The following CTNNA3 variants were observed in gnomAD, a reference collection of about 807,000 sequenced individuals.
The protein encoded by CTNNA3 is catenin alpha-3.
Under a neutral mutation model 95.7 loss-of-function variants are expected in CTNNA3, and 76 were observed. That is an observed-to-expected ratio of 0.79 (90% CI 0.66 to 0.96). The LOEUF is 0.96. CTNNA3 is among the 40% of genes least tolerant of loss of function. The pLI is 0.00. For missense variants in CTNNA3, 1,191 were observed against 1,089.8 expected (o/e 1.09, Z -1.31); for synonymous variants, 431 against 374.4 (o/e 1.15, Z -1.74).
intron 13 of CTNNA3, among the ~76,000 whole-genome samples, chr10:66,178,440 T>TATATATATATATAC (rs1231414006): frequency 7.6e-5 from 8 of 105,754 alleles, no homozygotes; most frequent in Non-Finnish European, 1.5e-4. Context: ...TATATATATA[T>TATATATATATATAC]ATACACACAC....
chr10:67,169,547 T>C (rs562092383), intron 7 of CTNNA3, among the ~76,000 whole-genome samples: 18 of 152,152 alleles, frequency 1.2e-4, no homozygotes, highest in Non-Finnish European at 2.4e-4. Flanking sequence ...CCCTATTCAA[T>C]AAATGATGCT....
At chr10:66,695,076 A>G (rs749032451) in intron 9 of CTNNA3, among the ~76,000 whole-genome samples, 5 of 152,196 alleles carry the variant, frequency 3.3e-5, no homozygotes, top group East Asian at 1.9e-4. Flanking sequence ...GGAATTGACC[A>G]CTTTGTTATC....
chr10:67,305,174 G>T (rs535400567), intron 5 of CTNNA3, among the ~76,000 whole-genome samples: 2 of 152,186 alleles, frequency 1.3e-5, no homozygotes, highest in East Asian at 1.9e-4. Flanking sequence ...TACGTGGGAG[G>T]CTGAGGCAGG....
At chr10:67,129,532 C>T (rs147033650) in intron 7 of CTNNA3, among the ~76,000 whole-genome samples, 25 of 152,164 alleles carry the variant, frequency 1.6e-4, no homozygotes, top group African/African-American at 5.3e-4. Context: ...GATTTCCCCA[C>T]GTCTACATAA....
At chr10:66,997,526 T>G (rs1278802529) in intron 7 of CTNNA3, among the ~76,000 whole-genome samples, 1 of 152,200 alleles carries the variant, frequency 6.6e-6, no homozygotes, top group African/African-American at 2.4e-5. Flanking sequence ...CTGGTAAAAC[T>G]TTTAGATCCC....
intron 7 of CTNNA3, among the ~76,000 whole-genome samples, chr10:66,846,238 A>G (rs1399772565): frequency 6.6e-6 from 1 of 152,180 alleles, no homozygotes; most frequent in Non-Finnish European, 1.5e-5. Flanking sequence ...GATCTCACTT[A>G]TACGTAAAAT....
intron 5 of CTNNA3, among the ~76,000 whole-genome samples, chr10:67,236,821 T>C (rs1203519040): frequency 6.6e-6 from 1 of 151,058 alleles, no homozygotes; most frequent in Admixed American, 6.6e-5. Flanking sequence ...AAAAAATAAA[T>C]AAAAAACAGT....
chr10:67,193,933 G>A (rs1024740325), intron 6 of CTNNA3, among the ~76,000 whole-genome samples: 1 of 152,068 alleles, frequency 6.6e-6, no homozygotes, highest in Non-Finnish European at 1.5e-5. Context: ...CCCACTAGCT[G>A]TGTATAAGTG....
chr10:66,046,564 G>T (rs1341495910), intron 15 of CTNNA3, among the ~76,000 whole-genome samples: 1 of 151,900 alleles, frequency 6.6e-6, no homozygotes, highest in East Asian at 1.9e-4. Flanking sequence ...AAAAATTAGA[G>T]AAGCAAAAAC....
At position 67,558,990 on chromosome 10, in the gene CTNNA3, C is replaced by T. The variant is rs538596388; in HGVS notation, c.293-19321G>A. Among the ~76,000 whole-genome samples, 20 of 152,302 alleles carry T rather than the reference C, an allele frequency of 1.3e-4. No individual in the cohort carries two copies. The South Asian group carries it at 3.9e-3, about 30-fold the overall frequency. ...AGGTAAACAAAGCAGCCGGGAAGCT[C>T]GAACTGGGTGGAGCCCACCACAGCT... On this transcript the variant is annotated intron_variant, in intron 3 of 17. Coordinates refer to ENST00000433211, the MANE Select transcript of CTNNA3 (RefSeq NM_013266.4).
rs368256227 is a variant in CTNNA3, at chr10:66,396,903, CTTTA to C, written c.1532-17555_1532-17552del. ...AACCATTGGTAAACACAAATAATAA[CTTTA>C]TTTAATAGAATATAACAAACCAATA... is the stretch of plus-strand genomic sequence containing the variant. On this transcript the variant is annotated intron_variant, in intron 11 of 17. Transcript: ENST00000433211. 4.6e-4 allele frequency among the ~76,000 whole-genome samples: 70 copies of C among 151,758 alleles called. 1 individual carries two copies. In the South Asian group the frequency reaches 0.014, roughly 31 times the overall value.
intron 7 of CTNNA3, among the ~76,000 whole-genome samples, chr10:67,102,968 G>C (rs796326960): frequency 2.0e-5 from 3 of 151,698 alleles, no homozygotes; most frequent in African/African-American, 7.2e-5. Context: ...GGATAAATTT[G>C]ACAAATAATT....
rs141859999 is a variant in CTNNA3 at position 66,341,589 on chromosome 10, T to A, written c.1732+37563A>T. Reference sequence around the variant, plus strand: ...GGCAGAAATAATGGACATAGTAAATTGTACTTTAGATTTTTCTTTATGCAC... The same window carrying A: ...GGCAGAAATAATGGACATAGTAAATAGTACTTTAGATTTTTCTTTATGCAC... On this transcript the variant is annotated intron_variant, in intron 12 of 17. Coordinates refer to ENST00000433211, the MANE Select transcript of CTNNA3 (RefSeq NM_013266.4). Among the ~76,000 whole-genome samples the A allele has an allele frequency of 1.6e-4, 24 of 152,092 alleles. 1 individual carries two copies. Among genetic ancestry groups the A allele is most frequent in the Non-Finnish European group, 3.1e-4 (21 of 67,862 alleles).
chr10:67,559,844 A>G (rs1841424215), intron 3 of CTNNA3, among the ~76,000 whole-genome samples: 1 of 152,218 alleles, frequency 6.6e-6, no homozygotes, highest in African/African-American at 2.4e-5. Context: ...AAGAATGCAG[A>G]AGCCTCAGGA....
At chr10:66,601,299 G>T (rs1668108071) in intron 10 of CTNNA3, among the ~76,000 whole-genome samples, 1 of 151,884 alleles carries the variant, frequency 6.6e-6, no homozygotes, top group Non-Finnish European at 1.5e-5. Context: ...AGTTTATTTT[G>T]TGAGATATCT....
chr10:66,474,465 G>T (rs1475341103), intron 11 of CTNNA3, among the ~76,000 whole-genome samples: 1 of 152,042 alleles, frequency 6.6e-6, no homozygotes, highest in Non-Finnish European at 1.5e-5. Flanking sequence ...GGACAGTTAG[G>T]TTGATTCTAA....
chr10:66,659,181 A>AACACAC (rs10565151), intron 9 of CTNNA3, among the ~76,000 whole-genome samples: 3,214 of 145,620 alleles, frequency 0.022, 41 homozygotes, highest in Middle Eastern at 0.032. Context: ...TAATTAAGAA[A>AACACAC]ACACACACAC....
chr10:66,221,010 G>A (rs752211363), intron 13 of CTNNA3, among the ~76,000 whole-genome samples: 1 of 152,168 alleles, frequency 6.6e-6, no homozygotes, highest in Non-Finnish European at 1.5e-5. Flanking sequence ...GGGATCGCCC[G>A]CTTCTACCCA....
intron 14 of CTNNA3, among the ~76,000 whole-genome samples, chr10:66,092,443 C>T (rs1250063000): frequency 6.6e-6 from 1 of 151,862 alleles, no homozygotes; most frequent in East Asian, 1.9e-4. Flanking sequence ...CTGGACCAGG[C>T]CTCCCTTTTA....
Sources: allele counts gnomAD v4.1 joint callset (sites outside exome capture counted in the v4.1 genomes callset), GRCh38; gene constraint gnomAD v4.1.1; transcripts MANE v1.5; gene names NCBI Gene and HGNC (gene_info 2026-07-23, HGNC 2026-07-21).